Variants in FRMPD4 observed in about 807,000 individuals in gnomAD.
The protein encoded by FRMPD4 is FERM and PDZ domain-containing protein 4.
A neutral mutation model predicts 94.1 loss-of-function variants in FRMPD4; 22 were observed. The observed-to-expected ratio is 0.23, with a 90% CI of 0.17 to 0.33. The LOEUF (loss-of-function observed/expected upper bound fraction) is 0.33. Ranked by LOEUF, FRMPD4 falls within the 10% of genes least tolerant of loss-of-function variation. The pLI, the probability that FRMPD4 is intolerant of heterozygous loss-of-function variation, is 1.00. For synonymous variants in FRMPD4, 631 were observed against 548.6 expected, an observed-to-expected ratio of 1.15 and a Z score of -2.10; for missense variants, 1,111 against 1,339.9, an observed-to-expected ratio of 0.83 and a Z score of 2.67.
intron 9 of FRMPD4, among the ~76,000 whole-genome samples, chrX:12,700,860 A>G (rs1420149016): frequency 9.0e-6 from 1 of 111,524 alleles, no homozygotes; most frequent in Admixed American, 9.5e-5. Context: ...ACAGGTAGCC[A>G]CTGGGAAAGG....
intron 2 of FRMPD4, among the ~76,000 whole-genome samples, chrX:12,558,778 T>C (rs759383325): frequency 8.9e-6 from 1 of 111,849 alleles, no homozygotes; most frequent in South Asian, 3.8e-4. Context: ...GGCAGGCCTA[T>C]ATTTCCAGCT....
At chrX:12,449,850 A>G (rs1387877377) in intron 1 of FRMPD4, among the ~76,000 whole-genome samples, 1 of 110,299 alleles carries the variant, frequency 9.1e-6, no homozygotes, top group Non-Finnish European at 1.9e-5. Flanking sequence ...TTAGCTGGAC[A>G]CGGTGGTACA....
At chrX:11,908,449 C>T (rs780665095) in intron 3 of FRMPD4, among the ~76,000 whole-genome samples, 39 of 112,418 alleles carry the variant, frequency 3.5e-4, no homozygotes, top group African/African-American at 1.1e-3. Context: ...GCTACAACCT[C>T]AAACTAACAG....
intron 1 of FRMPD4, among the ~76,000 whole-genome samples, chrX:12,335,798 C>T (rs988570199): frequency 8.9e-6 from 1 of 112,219 alleles, no homozygotes; most frequent in African/African-American, 3.2e-5. Flanking sequence ...TATGCCTTTC[C>T]CCAAGCAAAG....
At chrX:12,359,076 C>G (rs73632680) in intron 1 of FRMPD4, among the ~76,000 whole-genome samples, 3,447 of 111,772 alleles carry the variant, frequency 0.031, 131 homozygotes, top group African/African-American at 0.11. Context: ...TGCAATATCT[C>G]TTTCCATGAT....
intron 1 of FRMPD4, among the ~76,000 whole-genome samples, chrX:12,174,614 C>G (rs2056270290): frequency 8.9e-6 from 1 of 112,018 alleles, no homozygotes; most frequent in Admixed American, 9.5e-5. Flanking sequence ...CAAACCACAT[C>G]TGGTCAAGTA....
intron 1 of FRMPD4, among the ~76,000 whole-genome samples, chrX:12,476,419 C>G (rs1360921791): frequency 9.0e-6 from 1 of 111,688 alleles, no homozygotes; most frequent in Admixed American, 9.5e-5. Flanking sequence ...GACTTCATGT[C>G]TAAAACACCA....
chrX:11,829,666 T>A (rs2053464123), intron 1 of FRMPD4, among the ~76,000 whole-genome samples: 1 of 112,110 alleles, frequency 8.9e-6, no homozygotes, highest in South Asian at 3.7e-4. Flanking sequence ...AATATTTCCT[T>A]AGATTCTGTC....
chrX:12,385,174 T>C (rs142486931), intron 1 of FRMPD4, among the ~76,000 whole-genome samples: 2,440 of 112,305 alleles, frequency 0.022, 71 homozygotes, highest in African/African-American at 0.074. Context: ...CAGAAACAGG[T>C]ATGGAAGCAC....
intron 9 of FRMPD4, among the ~76,000 whole-genome samples, chrX:12,695,404 T>A (rs1030687928): frequency 9.1e-6 from 1 of 109,836 alleles, no homozygotes; most frequent in Admixed American, 9.7e-5. Flanking sequence ...CTTTTTTTTT[T>A]ATTTATTTAT....
chrX:12,473,442 A>G (rs1161263057), intron 1 of FRMPD4, among the ~76,000 whole-genome samples: 3 of 110,164 alleles, frequency 2.7e-5, no homozygotes, highest in Non-Finnish European at 5.6e-5. Flanking sequence ...TCATAATGAC[A>G]TGATCAAATT....
intron 3 of FRMPD4, among the ~76,000 whole-genome samples, chrX:12,080,731 A>C: frequency 8.9e-6 from 1 of 112,541 alleles, no homozygotes; most frequent in Non-Finnish European, 1.9e-5. Context: ...TCTGGGAATT[A>C]TAATTCAGAG....
chrX:12,012,283 A>T (rs2054585057), intron 3 of FRMPD4, among the ~76,000 whole-genome samples: 1 of 111,809 alleles, frequency 8.9e-6, no homozygotes, highest in African/African-American at 3.3e-5. Context: ...GTGGAGGCAG[A>T]CATCCATGTC....
intron 1 of FRMPD4, among the ~76,000 whole-genome samples, chrX:11,845,466 A>G: frequency 9.0e-6 from 1 of 110,858 alleles, no homozygotes; most frequent in South Asian, 3.9e-4. Flanking sequence ...AGGAACTGGT[A>G]CCATTCCTTC....
chrX:12,127,895 T>G (rs180688438), intron 3 of FRMPD4, among the ~76,000 whole-genome samples: 12 of 113,224 alleles, frequency 1.1e-4, no homozygotes, highest in Non-Finnish European at 5.6e-5. Context: ...AGAGCAGTCA[T>G]GAAACCTTAA....
intron 1 of FRMPD4, among the ~76,000 whole-genome samples, chrX:12,407,881 T>G (rs760198250): frequency 2.7e-5 from 3 of 111,236 alleles, no homozygotes; most frequent in African/African-American, 9.8e-5. Context: ...TAATCTAGAA[T>G]ATTGTGATTC....
intron 3 of FRMPD4, among the ~76,000 whole-genome samples, chrX:12,132,099 G>A (rs908365063): frequency 2.9e-4 from 32 of 111,638 alleles, no homozygotes; most frequent in African/African-American, 1.0e-3. Context: ...GTAGGCCATC[G>A]CAATTATCCA....
At chrX:11,914,076 A>ACTC (rs2054010384) in intron 3 of FRMPD4, among the ~76,000 whole-genome samples, 1 of 111,715 alleles carries the variant, frequency 9.0e-6, no homozygotes, top group Non-Finnish European at 1.9e-5. Flanking sequence ...ATAGTCTAAA[A>ACTC]CTCCCTCTGT....
chrX:12,558,855 A>G (rs1192423153), intron 2 of FRMPD4, among the ~76,000 whole-genome samples: 5 of 112,173 alleles, frequency 4.5e-5, no homozygotes, highest in Non-Finnish European at 7.5e-5. Flanking sequence ...CACCATGATC[A>G]TGCCTGTGAA....
Sources: gnomAD v4.1 joint callset for allele counts (sites outside exome capture counted in the v4.1 genomes callset) on GRCh38, gnomAD v4.1.1 for gene constraint, MANE v1.5 for transcripts, NCBI Gene and HGNC (gene_info 2026-07-23, HGNC 2026-07-21) for gene names.